The following CCDC170 variants were observed in gnomAD, a reference collection of about 807,000 sequenced individuals.
CCDC170 encodes coiled-coil domain-containing protein 170.
CCDC170 carries 69 observed loss-of-function variants against 72.6 expected under a neutral mutation model. The ratio of observed to expected loss-of-function variants is 0.95; its 90% CI spans 0.78 to 1.16. CCDC170 has a LOEUF of 1.16. CCDC170 is among the 50% of genes most tolerant of loss of function. CCDC170 has a pLI of 0.00. For missense variants in CCDC170, 852 were observed against 832.5 expected, an observed-to-expected ratio of 1.02 and a Z score of -0.29; for synonymous variants, 300 against 303.9, an observed-to-expected ratio of 0.99 and a Z score of 0.13.
intron 3 of CCDC170, among the ~76,000 whole-genome samples, 176 bp from the exon 4 acceptor site, chr6:151,544,396 C>T (rs3757317): frequency 0.13 from 20,321 of 152,150 alleles, 1,599 homozygotes; most frequent in East Asian, 0.27. Flanking sequence ...CACTTTTCTC[C>T]TTCCTTTATA....
intron 9 of CCDC170, among the ~76,000 whole-genome samples, chr6:151,608,901 C>T (rs1776826266): frequency 6.6e-6 from 1 of 152,204 alleles, no homozygotes; most frequent in Admixed American, 6.5e-5. Context: ...GCGCTTGTGT[C>T]CTGTAAGGGC....
At chr6:151,559,447 T>C (rs1783040909) in intron 5 of CCDC170, among the ~76,000 whole-genome samples, 1 of 152,220 alleles carries the variant, frequency 6.6e-6, no homozygotes, top group Admixed American at 6.5e-5. Flanking sequence ...TTATAAATTA[T>C]TTTATGTTTT....
chr6:151,561,777 A>C (rs1393409517), intron 5 of CCDC170, among the ~76,000 whole-genome samples: 4 of 152,024 alleles, frequency 2.6e-5, no homozygotes, highest in Non-Finnish European at 5.9e-5. Context: ...ATTAGGGAAA[A>C]ATTTCTGAAT....
At chr6:151,613,369 C>T (rs935965015) in intron 9 of CCDC170, among the ~76,000 whole-genome samples, 3 of 152,196 alleles carry the variant, frequency 2.0e-5, no homozygotes, top group African/African-American at 7.2e-5. Flanking sequence ...TGCCACTGCA[C>T]TCCAGCCTGG....
In CCDC170 at chr6:151,504,609, G is replaced by A. The variant is rs1454852166; in HGVS notation, c.57+10424G>A. On this transcript the variant is annotated intron_variant, in intron 1 of 10. Coordinates refer to ENST00000239374, the MANE Select transcript of CCDC170 (RefSeq NM_025059.4). ...CAATGAACAAACAGAATTACACAGT[G>A]TGCTGTAGCAGACCAGGGAGGGACG... 2.6e-5 allele frequency among the ~76,000 whole-genome samples: 4 copies of A among 152,230 alleles called. No individual in the cohort carries two copies. The East Asian group carries it at 7.7e-4, about 29-fold the overall frequency.
chr6:151,594,541 CTT>C (rs1776591931), intron 8 of CCDC170, among the ~76,000 whole-genome samples: 1 of 151,986 alleles, frequency 6.6e-6, no homozygotes, highest in South Asian at 2.1e-4. Flanking sequence ...ATAATTGATT[CTT>C]TTTCTCAGTG....
chr6:151,608,221 T>C (rs1776815357), intron 9 of CCDC170, among the ~76,000 whole-genome samples: 2 of 152,214 alleles, frequency 1.3e-5, no homozygotes, highest in African/African-American at 2.4e-5. Flanking sequence ...ATTCAGATCA[T>C]GATTTTTTCT....
At chr6:151,549,863 G>A (rs1052202762) in intron 5 of CCDC170, among the ~76,000 whole-genome samples, 2 of 152,094 alleles carry the variant, frequency 1.3e-5, no homozygotes, top group Admixed American at 6.5e-5. Context: ...TAACACAAGT[G>A]GCAATATACT....
chr6:151,539,870 C>T (rs1332259754), intron 3 of CCDC170, among the ~76,000 whole-genome samples: 1 of 152,222 alleles, frequency 6.6e-6, no homozygotes, highest in Non-Finnish European at 1.5e-5. Context: ...TCTAGTTGAT[C>T]ATTTCAAAAT....
intron 9 of CCDC170, among the ~76,000 whole-genome samples, chr6:151,597,343 G>C (rs1220663713): frequency 1.3e-5 from 2 of 151,692 alleles, no homozygotes; most frequent in African/African-American, 4.9e-5. Context: ...GGCCAGACTG[G>C]TCCCCAACTT....
Position 151,590,159 on chromosome 6 carries a change from A to G in CCDC170, c.1294-2948A>G, listed in dbSNP as rs189351379. ...TCCTTTTGCTCTCCAAGCAACATGC[A>G]TCTGCCTCTCTCATGGTACTTTTTA... On this transcript the variant is annotated intron_variant, in intron 7 of 10. Transcript: ENST00000239374. Among the ~76,000 whole-genome samples the G allele has an allele frequency of 1.8e-3, 271 of 152,272 alleles. 6 individuals are homozygous for G. The highest frequency in any genetic ancestry group is 1.9e-4 in the Non-Finnish European group (13 of 68,032).
chr6:151,573,110 G>A, intron 5 of CCDC170, 64 bp from the exon 6 acceptor site: 3 of 1,440,490 alleles, frequency 2.1e-6, no homozygotes. Flanking sequence ...ATTTGCCATA[G>A]CAAATGCAGG....
intron 10 of CCDC170, 190 bp downstream of exon 10, chr6:151,615,869 G>A (rs372698018): frequency 3.6e-6 from 2 of 563,038 alleles, no homozygotes; most frequent in Non-Finnish European, 3.1e-6. Context: ...ATGTGCTCCC[G>A]AAGCGAGAAC....
At chr6:151,511,911 G>A (rs79278999) in intron 1 of CCDC170, among the ~76,000 whole-genome samples, 2 of 152,036 alleles carry the variant, frequency 1.3e-5, no homozygotes, top group Non-Finnish European at 2.9e-5. Context: ...GCGGTGGCAC[G>A]ATCAGAGCTC....
intron 5 of CCDC170, among the ~76,000 whole-genome samples, chr6:151,550,625 C>T (rs1782863446): frequency 6.6e-6 from 1 of 152,178 alleles, no homozygotes; most frequent in South Asian, 2.1e-4. Context: ...TGCCATAATA[C>T]AGTACCATAG....
intron 5 of CCDC170, among the ~76,000 whole-genome samples, chr6:151,553,597 A>G (rs897665001): frequency 2.6e-5 from 4 of 152,200 alleles, no homozygotes; most frequent in Admixed American, 1.3e-4. Context: ...GTGTTGTAAT[A>G]GCACATTCAA....
At chr6:151,509,205 CTCA>C (rs1438096983) in intron 1 of CCDC170, among the ~76,000 whole-genome samples, 3 of 147,202 alleles carry the variant, frequency 2.0e-5, no homozygotes, top group East Asian at 2.0e-4. Context: ...CTCTCTCTGT[CTCA>C]TCTATCTATC....
At chr6:151,557,576 T>C (rs1041322548) in intron 5 of CCDC170, among the ~76,000 whole-genome samples, 5 of 152,152 alleles carry the variant, frequency 3.3e-5, no homozygotes, top group African/African-American at 1.2e-4. Flanking sequence ...GCTGGATGTG[T>C]GGTATTTACA....
At chr6:151,518,519 G>A (rs1782268676) in intron 1 of CCDC170, among the ~76,000 whole-genome samples, 1 of 152,196 alleles carries the variant, frequency 6.6e-6, no homozygotes. Flanking sequence ...GTGAAAGCAA[G>A]TTTATTAATA....
Sources: allele counts gnomAD v4.1 joint callset (sites outside exome capture counted in the v4.1 genomes callset), GRCh38; gene constraint gnomAD v4.1.1; transcripts MANE v1.5; gene names NCBI Gene and HGNC (gene_info 2026-07-23, HGNC 2026-07-21).